The following CPQ variants were observed in gnomAD, a reference collection of about 807,000 sequenced individuals.
CPQ encodes the protein carboxypeptidase Q.
In CPQ, 37 loss-of-function variants were observed where a neutral mutation model predicts 45.7. The ratio of observed to expected loss-of-function variants is 0.81; its 90% CI spans 0.62 to 1.07. The LOEUF (loss-of-function observed/expected upper bound fraction) is 1.07. Among genes scored for constraint, CPQ ranks in the 50% least tolerant of loss-of-function variants. The pLI is 0.00. For missense variants in CPQ, 537 were observed against 572.9 expected, an observed-to-expected ratio of 0.94 and a Z score of 0.64; for synonymous variants, 186 against 205.8, an observed-to-expected ratio of 0.90 and a Z score of 0.82.
intron 2 of CPQ, among the ~76,000 whole-genome samples, chr8:96,826,009 T>C (rs544188667): frequency 1.3e-5 from 2 of 152,216 alleles, no homozygotes; most frequent in East Asian, 3.9e-4. Context: ...TGAAATCTGC[T>C]GAATGTGTGT....
intron 2 of CPQ, among the ~76,000 whole-genome samples, chr8:96,804,905 C>A (rs1167214469): frequency 6.6e-6 from 1 of 151,668 alleles, no homozygotes; most frequent in Non-Finnish European, 1.5e-5. Flanking sequence ...TACCATAAAA[C>A]ATTTAGTGCT....
rs536173156 is a variant in CPQ, at chr8:96,824,526, A to G, written c.434-10447A>G. On this transcript the variant is annotated intron_variant, in intron 2 of 7. Transcript: ENST00000220763. ...TTTAAATATTTGAAATCCTTACCCTACAATCCAATGGAAATTCTGCAAATG... is the reference window on the plus strand; with the variant it reads ...TTTAAATATTTGAAATCCTTACCCTGCAATCCAATGGAAATTCTGCAAATG... Among the ~76,000 whole-genome samples the G allele has an allele frequency of 3.3e-5, 5 of 152,164 alleles. No homozygotes were observed. In the East Asian group the frequency reaches 9.7e-4, roughly 30 times the overall value.
chr8:97,078,610 A>G (rs1006123056), intron 7 of CPQ, among the ~76,000 whole-genome samples: 4 of 152,284 alleles, frequency 2.6e-5, no homozygotes, highest in Middle Eastern at 6.8e-3. Context: ...CAGTAGTCTC[A>G]GAAAAACAGT....
chr8:97,020,088 G>A (rs763764752), intron 5 of CPQ, among the ~76,000 whole-genome samples: 4 of 151,994 alleles, frequency 2.6e-5, no homozygotes, highest in Admixed American at 1.3e-4. Context: ...TCAAAACCAG[G>A]CAAATACATG....
intron 2 of CPQ, among the ~76,000 whole-genome samples, chr8:96,800,959 T>A (rs1810998731): frequency 6.7e-6 from 1 of 148,490 alleles, no homozygotes; most frequent in Non-Finnish European, 1.5e-5. Context: ...CATAATTAAC[T>A]GAACACTCTG....
intron 1 of CPQ, among the ~76,000 whole-genome samples, chr8:96,734,024 A>T (rs1487579579): frequency 6.6e-6 from 1 of 152,166 alleles, no homozygotes; most frequent in African/African-American, 2.4e-5. Context: ...TGCCTGTCAT[A>T]TGTGGTTTTA....
chr8:96,704,441 A>C (rs547583701), intron 1 of CPQ, among the ~76,000 whole-genome samples: 72 of 152,286 alleles, frequency 4.7e-4, no homozygotes, highest in Middle Eastern at 3.4e-3. Flanking sequence ...GGAGATTTTG[A>C]ATTAGTATGG....
intron 7 of CPQ, among the ~76,000 whole-genome samples, chr8:97,109,041 T>C (rs981576441): frequency 2.6e-5 from 4 of 152,184 alleles, no homozygotes; most frequent in African/African-American, 9.7e-5. Context: ...GCATTAAATT[T>C]ACCTTAGTTG....
chr8:96,972,292 T>G (rs1813692804), intron 5 of CPQ, among the ~76,000 whole-genome samples: 1 of 152,212 alleles, frequency 6.6e-6, no homozygotes, highest in African/African-American at 2.4e-5. Flanking sequence ...ATAATCCCCC[T>G]GGGAATATAA....
rs1810878714 is a variant in CPQ, at chr8:96,793,400, G to A, written c.433+8070G>A. Among the ~76,000 whole-genome samples the A allele has an allele frequency of 1.3e-5, 2 of 151,908 alleles. 1 individual carries two copies. Among genetic ancestry groups the A allele is most frequent in the Non-Finnish European group, 2.9e-5 (2 of 67,990 alleles). On this transcript the variant is annotated intron_variant, in intron 2 of 7. Transcript: ENST00000220763. ...GACAAGAGAAGAGAGCTTGTGCAGG[G>A]AACTCCCCTTTTTAAAACCATGAGA... is the stretch of plus-strand genomic sequence containing the variant.
chr8:96,940,213 G>A (rs1394039678), intron 4 of CPQ, among the ~76,000 whole-genome samples: 1 of 151,922 alleles, frequency 6.6e-6, no homozygotes, highest in African/African-American at 2.4e-5. Flanking sequence ...TCTGCCAAAT[G>A]GGCCTTTCAA....
chr8:96,871,877 T>C (rs1256216846), intron 3 of CPQ, among the ~76,000 whole-genome samples: 1 of 151,966 alleles, frequency 6.6e-6, no homozygotes, highest in Non-Finnish European at 1.5e-5. Context: ...TCAACGTATA[T>C]ATAGAGATGC....
chr8:97,070,051 G>T lies in CPQ; in HGVS notation c.1255+3841G>T, dbSNP rs563864847. Among the ~76,000 whole-genome samples, 18 of 152,182 alleles carry T rather than the reference G, an allele frequency of 1.2e-4. 1 individual carries two copies. In the South Asian group the frequency reaches 3.7e-3, roughly 32 times the overall value. On this transcript the variant is annotated intron_variant, in intron 7 of 7. Coordinates refer to ENST00000220763, the MANE Select transcript of CPQ (RefSeq NM_016134.4). ...GAATAACTGTCAACATTAATATAAG[G>T]CTTTGGGGAAAAAAGATTTTCTTTA...
chr8:96,915,939 A>G (rs958904381), intron 4 of CPQ, among the ~76,000 whole-genome samples: 1 of 152,176 alleles, frequency 6.6e-6, no homozygotes, highest in Non-Finnish European at 1.5e-5. Context: ...GGAGGTGATC[A>G]CATGATTCAG....
chr8:96,899,221 T>G (rs185355504), intron 4 of CPQ, among the ~76,000 whole-genome samples: 1 of 152,284 alleles, frequency 6.6e-6, no homozygotes. Context: ...GTATCTTTGG[T>G]ATTTAATATG....
chr8:96,939,512 A>G (rs1813097985), intron 4 of CPQ, among the ~76,000 whole-genome samples: 2 of 152,194 alleles, frequency 1.3e-5, no homozygotes, highest in Admixed American at 1.3e-4. Context: ...GTTTTTCCAT[A>G]TTATGAGTAT....
At chr8:97,066,715 C>G (rs1810641704) in intron 7 of CPQ, among the ~76,000 whole-genome samples, 1 of 151,982 alleles carries the variant, frequency 6.6e-6, no homozygotes, top group Non-Finnish European at 1.5e-5. Context: ...GGGGTACTTT[C>G]TTTTAATCAT....
Position 97,089,277 on chromosome 8 carries a change from G to T in CPQ, c.1255+23067G>T, listed in dbSNP as rs184885632. ...AAAAAAAAGAGAAAAGAAAAGAAAA[G>T]AAAATTATAGTATTACCATTTCTAA... is the stretch of plus-strand genomic sequence containing the variant. On this transcript the variant is annotated intron_variant, in intron 7 of 7. Transcript: ENST00000220763. 1.7e-3 allele frequency among the ~76,000 whole-genome samples: 248 copies of T among 149,448 alleles called. 3 individuals carry two copies. Among genetic ancestry groups the T allele is most frequent in the Admixed American group, 0.013 (192 of 15,018 alleles).
chr8:96,952,608 T>A (rs1351340167), intron 4 of CPQ, among the ~76,000 whole-genome samples: 2 of 152,110 alleles, frequency 1.3e-5, no homozygotes, highest in Admixed American at 6.6e-5. Flanking sequence ...AATGGCATGA[T>A]GAGACTATTA....
Sources: gnomAD v4.1 joint callset for allele counts (sites outside exome capture counted in the v4.1 genomes callset) on GRCh38, gnomAD v4.1.1 for gene constraint, MANE v1.5 for transcripts, NCBI Gene and HGNC (gene_info 2026-07-23, HGNC 2026-07-21) for gene names.